CASQ2: variants seen among roughly 807,000 people sequenced by gnomAD.
CASQ2 encodes calsequestrin-2.
CASQ2 carries 49 observed loss-of-function variants against 46.5 expected under a neutral mutation model. That is an observed-to-expected ratio of 1.05 (90% CI 0.84 to 1.34). The LOEUF (loss-of-function observed/expected upper bound fraction) is 1.34, where lower values mean the gene tolerates loss of function less well. Ranked by LOEUF, CASQ2 falls within the 40% of genes most tolerant of loss-of-function variation. The probability of loss-of-function intolerance (pLI) is 0.00; values close to 1 mark genes in which losing one functional copy is unlikely to be tolerated. For missense variants in CASQ2, 486 were observed against 481.3 expected (o/e 1.01, Z -0.09); for synonymous variants, 174 against 168.5 (o/e 1.03, Z -0.25).
At chr1:115,757,049 G>C (rs1047142800) in intron 1 of CASQ2, among the ~76,000 whole-genome samples, 3 of 152,178 alleles carry the variant, frequency 2.0e-5, no homozygotes, top group African/African-American at 7.2e-5. Flanking sequence ...GCGCAATACC[G>C]GGGGCTTTGG....
chr1:115,754,121 G>A (rs994924479), intron 1 of CASQ2, among the ~76,000 whole-genome samples: 13 of 152,216 alleles, frequency 8.5e-5, no homozygotes, highest in South Asian at 2.1e-4. Context: ...GTTTCTCTCC[G>A]GTAATCTCCT....
intron 4 of CASQ2, among the ~76,000 whole-genome samples, chr1:115,735,246 A>G (rs1339271278): frequency 2.6e-5 from 4 of 152,236 alleles, no homozygotes; most frequent in Admixed American, 6.5e-5. Flanking sequence ...TCAAACCTGT[A>G]TAACTCCTTC....
chr1:115,717,167 C>T (rs1273348454), intron 8 of CASQ2, among the ~76,000 whole-genome samples: 1 of 152,202 alleles, frequency 6.6e-6, no homozygotes, highest in Non-Finnish European at 1.5e-5. Context: ...TGCCCTGTTT[C>T]CTGTACAACC....
rs1380233178 is a variant in CASQ2 at position 115,700,911 on chromosome 1, G to A, written c.*330C>T. ...GTCATAATCAAAGACAAGTAAACTT[G>A]TGTTAGGGGATTGTTCACCCTAGAC... On this transcript the variant is annotated 3_prime_UTR_variant, in exon 11 of 11. Transcript: ENST00000261448. The A allele has an allele frequency of 3.4e-6, 2 of 596,384 alleles. No individual in the cohort carries two copies. The highest frequency in any genetic ancestry group is 1.9e-5 in the African/African-American group (1 of 53,800). The allele number at this position is 596,384 out of a possible 1,614,324, so 36.9% of individuals were successfully genotyped here.
chr1:115,766,450 C>A (rs1295392913), intron 1 of CASQ2, among the ~76,000 whole-genome samples: 1 of 152,192 alleles, frequency 6.6e-6, no homozygotes, highest in Non-Finnish European at 1.5e-5. Context: ...ACAGTCCCTG[C>A]ACTTAGTAAG....
chr1:115,725,574 A>G (rs775955473), intron 6 of CASQ2, 21 bp from the exon 7 acceptor site: 19 of 1,602,360 alleles, frequency 1.2e-5, no homozygotes, highest in Non-Finnish European at 1.4e-5. Context: ...AAAAAAAAAA[A>G]AAAAAAGAAA....
intron 8 of CASQ2, among the ~76,000 whole-genome samples, chr1:115,715,058 G>A (rs968353124): frequency 1.3e-5 from 2 of 152,374 alleles, no homozygotes. Context: ...CTGGAAGGTG[G>A]CAGGTGAGGT....
At chr1:115,747,957 C>G (rs1479010483) in intron 1 of CASQ2, among the ~76,000 whole-genome samples, 1 of 152,182 alleles carries the variant, frequency 6.6e-6, no homozygotes, top group East Asian at 1.9e-4. Context: ...ACTTACTGCA[C>G]TGGTGAGAAC....
chr1:115,722,967 G>A (rs1208219655), intron 7 of CASQ2, among the ~76,000 whole-genome samples: 1 of 152,132 alleles, frequency 6.6e-6, no homozygotes, highest in African/African-American at 2.4e-5. Flanking sequence ...AGAATCACAT[G>A]AACCTGGGAG....
In CASQ2 at chr1:115,705,266, T is replaced by C; in HGVS notation, c.865A>G (p.Lys289Glu). The change falls in exon 9 of 11, where the codon AAA (lysine) becomes GAA (glutamate). Residue 289 changes from lysine (K) to glutamate (E), a missense_variant. Physicochemically the swap from Lys to Glu is moderately conservative, Grantham distance 56 (BLOSUM62 1). Transcript: ENST00000261448. ...PDGYEFLEIL[K>E]QVARDNTDNP... Reference sequence around the variant, plus strand: ...TCAGTATTGTCCCGGGCAACCTGTTTCAGGATCTCCAGGAATTCGTAGCCA... The same window carrying C: ...TCAGTATTGTCCCGGGCAACCTGTTCCAGGATCTCCAGGAATTCGTAGCCA... The C allele has an allele frequency of 6.2e-7, 1 of 1,613,882 alleles. No homozygotes were observed. Among genetic ancestry groups the C allele is most frequent in the Non-Finnish European group, 8.5e-7 (1 of 1,179,736 alleles).
chr1:115,729,391 G>C (rs1647712711), intron 5 of CASQ2, among the ~76,000 whole-genome samples: 1 of 152,088 alleles, frequency 6.6e-6, no homozygotes, highest in South Asian at 2.1e-4. Flanking sequence ...TGGATGGTAA[G>C]GACTGAAGGG....
chr1:115,756,709 G>A (rs1269670527), intron 1 of CASQ2, among the ~76,000 whole-genome samples: 1 of 152,204 alleles, frequency 6.6e-6, no homozygotes, highest in Non-Finnish European at 1.5e-5. Flanking sequence ...CACTTTGGGA[G>A]GCTGAGGCAG....
intron 2 of CASQ2, 45 bp downstream of exon 2, chr1:115,744,783 C>T (rs1394834747): frequency 7.8e-7 from 1 of 1,286,330 alleles, no homozygotes; most frequent in African/African-American, 1.5e-5. Context: ...TTGCAAGACA[C>T]ATTCGTTTCT....
intron 2 of CASQ2, among the ~76,000 whole-genome samples, chr1:115,743,513 A>G (rs1430849680): frequency 6.6e-6 from 1 of 152,164 alleles, no homozygotes; most frequent in Non-Finnish European, 1.5e-5. Context: ...CAAAGTGCCC[A>G]GACATTCTTA....
chr1:115,759,921 G>A (rs1409929566), intron 1 of CASQ2, among the ~76,000 whole-genome samples: 3 of 152,158 alleles, frequency 2.0e-5, no homozygotes, highest in Non-Finnish European at 4.4e-5. Context: ...TAGTTAGAAG[G>A]CCACCTTCTG....
At chr1:115,709,925 C>T (rs941173049) in intron 8 of CASQ2, among the ~76,000 whole-genome samples, 27 of 152,200 alleles carry the variant, frequency 1.8e-4, no homozygotes, top group African/African-American at 6.3e-4. Context: ...TCACTGCAGT[C>T]TTGACTTCCC....
At chr1:115,754,210 G>A (rs1352071020) in intron 1 of CASQ2, among the ~76,000 whole-genome samples, 1 of 152,204 alleles carries the variant, frequency 6.6e-6, no homozygotes. Flanking sequence ...CACGAAGGAG[G>A]CTGGCTCAAT....
chr1:115,729,762 C>T (rs1173433610), intron 5 of CASQ2, among the ~76,000 whole-genome samples: 1 of 152,214 alleles, frequency 6.6e-6, no homozygotes, highest in Non-Finnish European at 1.5e-5. Flanking sequence ...AAAGTAATCG[C>T]AGTTTTTGCC....
intron 5 of CASQ2, among the ~76,000 whole-genome samples, chr1:115,731,774 G>A (rs1647792041): frequency 6.6e-6 from 1 of 152,146 alleles, no homozygotes; most frequent in Admixed American, 6.5e-5. Flanking sequence ...TGTAGAATGA[G>A]GATACTAATT....
Sources: allele counts gnomAD v4.1 joint callset (sites outside exome capture counted in the v4.1 genomes callset), GRCh38; gene constraint gnomAD v4.1.1; transcripts MANE v1.5; gene names NCBI Gene and HGNC (gene_info 2026-07-23, HGNC 2026-07-21).